The following PSME4 variants were observed in gnomAD, a reference collection of about 807,000 sequenced individuals.
PSME4 encodes the protein proteasome activator complex subunit 4.
A neutral mutation model predicts 253.9 loss-of-function variants in PSME4; 89 were observed. The ratio of observed to expected loss-of-function variants is 0.35; its 90% CI spans 0.30 to 0.42. The LOEUF is 0.42. Among genes scored for constraint, PSME4 ranks in the 10% least tolerant of loss-of-function variants. PSME4 has a pLI of 1.00. For synonymous variants in PSME4, 851 were observed against 759.2 expected, an observed-to-expected ratio of 1.12 and a Z score of -1.99; for missense variants, 2,014 against 2,195.2, an observed-to-expected ratio of 0.92 and a Z score of 1.65.
chr2:53,952,895 G>A (rs1185136721), intron 1 of PSME4, among the ~76,000 whole-genome samples: 1 of 152,180 alleles, frequency 6.6e-6, no homozygotes, highest in Non-Finnish European at 1.5e-5. Flanking sequence ...GGGGTTGGGG[G>A]ACCCCCTGCT....
At chr2:53,915,966 T>G (rs1303879832) in intron 20 of PSME4, among the ~76,000 whole-genome samples, 1 of 152,032 alleles carries the variant, frequency 6.6e-6, no homozygotes, top group African/African-American at 2.4e-5. Context: ...TACTGGCTAC[T>G]TGAGAATGTG....
intron 3 of PSME4, among the ~76,000 whole-genome samples, chr2:53,940,970 T>TAATACATATATAA (rs1558413968): frequency 1.5e-5 from 1 of 67,068 alleles, no homozygotes; most frequent in Non-Finnish European, 3.4e-5. Flanking sequence ...TATATATATA[T>TAATACATATATAA]ATATATATAT....
intron 14 of PSME4, among the ~76,000 whole-genome samples, chr2:53,924,798 T>C (rs1252682023): frequency 1.3e-5 from 2 of 152,082 alleles, no homozygotes; most frequent in Non-Finnish European, 2.9e-5. Context: ...TTGTTCATGG[T>C]AGTCATGTTC....
rs148087754 is a variant in PSME4, at chr2:53,887,719, C to A, written c.4520+139G>T. ...TCAGAGTGTTTCATCTTGTTTCCCA[C>A]GACACAATAGCAAACAATTTGAGAA... On this transcript the variant is annotated intron_variant, in intron 39 of 46. Coordinates refer to ENST00000404125, the MANE Select transcript of PSME4 (RefSeq NM_014614.3). 16 of 1,172,646 alleles carry A rather than the reference C, an allele frequency of 1.4e-5. No homozygotes were observed. The African/African-American group carries it at 2.5e-4, about 18-fold the overall frequency. 72.6% of individuals were successfully genotyped at this position (1,172,646 alleles called of 1,614,324 possible). A position where few individuals can be genotyped will look rare whatever the true frequency, so the allele number is the denominator to read the frequency against.
At chr2:53,887,506 C>T (rs373748599) in intron 39 of PSME4, 39 bp from the exon 40 acceptor site, 5 of 1,526,540 alleles carry the variant, frequency 3.3e-6, no homozygotes, top group African/African-American at 2.8e-5. Flanking sequence ...AGAGGTGCCA[C>T]ATTATAAATA....
chr2:53,901,702 T>C, intron 27 of PSME4, 143 bp from the exon 28 acceptor site: 1 of 574,446 alleles, frequency 1.7e-6, no homozygotes, highest in South Asian at 3.6e-5. Flanking sequence ...GTTCACACAT[T>C]TAACATGTTA....
chr2:53,915,432 T>A (rs1174258827), intron 20 of PSME4, among the ~76,000 whole-genome samples: 1 of 151,198 alleles, frequency 6.6e-6, no homozygotes, highest in Non-Finnish European at 1.5e-5. Flanking sequence ...AGAGCAAGAC[T>A]CTATCTCAAA....
chr2:53,908,443 A>G, intron 23 of PSME4, 25 bp from the exon 24 acceptor site: 1 of 1,612,618 alleles, frequency 6.2e-7, no homozygotes. Context: ...TTCAAATTGT[A>G]TTTGCAAGTC....
chr2:53,905,968 T>A (rs1680639225), intron 26 of PSME4, among the ~76,000 whole-genome samples: 3 of 152,192 alleles, frequency 2.0e-5, no homozygotes, highest in Admixed American at 1.3e-4. Flanking sequence ...CCAATAAACA[T>A]TTCCTTTGAG....
intron 16 of PSME4, 61 bp downstream of exon 16, chr2:53,922,988 A>G (rs1668392984): frequency 2.3e-6 from 3 of 1,288,356 alleles, no homozygotes; most frequent in Admixed American, 2.6e-5. Context: ...ACAGAGTTTT[A>G]GAAACCAAGA....
chr2:53,874,083 T>G (rs938793227), intron 43 of PSME4, among the ~76,000 whole-genome samples: 2 of 152,144 alleles, frequency 1.3e-5, no homozygotes, highest in Admixed American at 1.3e-4. Context: ...GACCTCGACC[T>G]CCTGAATAGC....
In PSME4 at chr2:53,869,629, C is replaced by T. The variant is rs543501362; in HGVS notation, c.5101-91G>A. ...GGTAGTGTGGGAACTGGGGTGAAGA[C>T]CTTCCCTGAAATTGCATGCAAATTT... On this transcript the variant is annotated intron_variant, in intron 43 of 46. Coordinates refer to ENST00000404125, the MANE Select transcript of PSME4 (RefSeq NM_014614.3). The T allele has an allele frequency of 2.8e-6, 3 of 1,069,192 alleles. No homozygotes were observed. The African/African-American group carries it at 4.7e-5, about 17-fold the overall frequency. 66.2% of individuals were successfully genotyped at this position (1,069,192 alleles called of 1,614,324 possible). A position where few individuals can be genotyped will look rare whatever the true frequency, so the allele number is the denominator to read the frequency against.
At chr2:53,868,534 ATAT>A (rs1343599011) in intron 44 of PSME4, among the ~76,000 whole-genome samples, 2 of 56,230 alleles carry the variant, frequency 3.6e-5, no homozygotes, top group African/African-American at 1.1e-4. Flanking sequence ...TATATATAAT[ATAT>A]ATTATAAATA....
At chr2:53,875,802 T>C (rs766067362) in intron 41 of PSME4, 47 bp from the exon 42 acceptor site, 5 of 1,572,306 alleles carry the variant, frequency 3.2e-6, no homozygotes, top group Non-Finnish European at 4.3e-6. Context: ...TAATTGCCAA[T>C]AAGTACAAAG....
rs1022657424 is a variant in PSME4, at chr2:53,932,149, T to C, written c.1051-49A>G. 3.2e-6 allele frequency: 5 copies of C among 1,542,250 alleles called. No individual in the cohort carries two copies. In the East Asian group the frequency reaches 6.8e-5, roughly 21 times the overall value. On this transcript the variant is annotated intron_variant, in intron 9 of 46. Coordinates refer to ENST00000404125, the MANE Select transcript of PSME4 (RefSeq NM_014614.3). ...TCTAAGTAGGTTCTACTTTGCCGCATAGACATTCATGGTTGCTCTCTAGCT... is the reference window on the plus strand; with the variant it reads ...TCTAAGTAGGTTCTACTTTGCCGCACAGACATTCATGGTTGCTCTCTAGCT...
rs190123173 is a variant in PSME4 at position 53,964,381 on chromosome 2, T to C, written c.242+6162A>G. Among the ~76,000 whole-genome samples, 14 of 152,362 alleles carry C rather than the reference T, an allele frequency of 9.2e-5. No individual in the cohort carries two copies. In the East Asian group the frequency reaches 2.3e-3, roughly 25 times the overall value. On this transcript the variant is annotated intron_variant, in intron 1 of 46. Transcript: ENST00000404125. ...AATATGTCTTATTGTGCTATTACATTATACAACTTTATCAAAGAAATTCAT... is the reference window on the plus strand; with the variant it reads ...AATATGTCTTATTGTGCTATTACATCATACAACTTTATCAAAGAAATTCAT...
rs2104424416 is a variant in PSME4, at chr2:53,888,825, T to C, written c.4297-13A>G. On this transcript the variant is annotated splice_polypyrimidine_tract_variant and intron_variant, in intron 37 of 46. Coordinates refer to ENST00000404125, the MANE Select transcript of PSME4 (RefSeq NM_014614.3). ...GATCTCTGCTTTCCTGTGTTTAAAA[T>C]ATGATGTAACAGTTCAACAGAGAAC... is the stretch of plus-strand genomic sequence containing the variant. The C allele has an allele frequency of 6.3e-7, 1 of 1,584,456 alleles. No individual in the cohort carries two copies. Among genetic ancestry groups the C allele is most frequent in the Non-Finnish European group, 8.7e-7 (1 of 1,153,820 alleles).
At chr2:53,885,826 C>T (rs918874453) in intron 40 of PSME4, 51 bp from the exon 41 acceptor site, 12 of 1,319,874 alleles carry the variant, frequency 9.1e-6, no homozygotes, top group African/African-American at 1.4e-5. Flanking sequence ...CATTTACAGA[C>T]CACAAAGTAG....
At chr2:53,939,912 C>A (rs1277978061) in intron 4 of PSME4, 44 bp downstream of exon 4, 30 of 1,501,506 alleles carry the variant, frequency 2.0e-5, no homozygotes, top group Non-Finnish European at 2.7e-5. Context: ...GTGGAAAAGC[C>A]CACAGAAACA....
Sources: allele counts gnomAD v4.1 joint callset (sites outside exome capture counted in the v4.1 genomes callset), GRCh38; gene constraint gnomAD v4.1.1; transcripts MANE v1.5; gene names NCBI Gene and HGNC (gene_info 2026-07-23, HGNC 2026-07-21).